The following GTF3C1 variants were observed in gnomAD, a reference collection of about 807,000 sequenced individuals.
GTF3C1 encodes the protein general transcription factor 3C polypeptide 1.
A neutral mutation model predicts 226.7 loss-of-function variants in GTF3C1; 57 were observed. That is an observed-to-expected ratio of 0.25 (90% CI 0.20 to 0.31). The LOEUF is 0.31. Among genes scored for constraint, GTF3C1 ranks in the 10% least tolerant of loss-of-function variants. The pLI, the probability that GTF3C1 is intolerant of heterozygous loss-of-function variation, is 1.00. For synonymous variants in GTF3C1, 1,090 were observed against 1,084.8 expected, an observed-to-expected ratio of 1.00 and a Z score of -0.09; for missense variants, 2,217 against 2,776.1, an observed-to-expected ratio of 0.80 and a Z score of 4.53.
chr16:27,461,959 A>G lies in GTF3C1; in HGVS notation c.6117+335T>C, dbSNP rs867140297. 3.1e-5 allele frequency: 12 copies of G among 388,148 alleles called. No homozygotes were observed. Among genetic ancestry groups the G allele is most frequent in the Admixed American group, 1.6e-4 (4 of 25,316 alleles). 24.0% of individuals were successfully genotyped at this position (388,148 alleles called of 1,614,324 possible). On this transcript the variant is annotated intron_variant, in intron 36 of 36. Coordinates refer to ENST00000356183, the MANE Select transcript of GTF3C1 (RefSeq NM_001520.4). This position sits in a 1 kb window ranked among gnomAD's most constrained non-coding sequence, Gnocchi z 5.3. ...GAGGAGCTGGAGGCCCCAGGCACAC[A>G]TGGGAGTCAGCCAAGCAGGAAGCAG...
intron 26 of GTF3C1, among the ~76,000 whole-genome samples, chr16:27,482,257 T>A (rs2088062941): frequency 6.6e-6 from 1 of 151,962 alleles, no homozygotes; most frequent in African/African-American, 2.4e-5. Context: ...TGGAGGGGAG[T>A]GTGGCGGCAG....
intron 7 of GTF3C1, among the ~76,000 whole-genome samples, chr16:27,509,130 A>G (rs1002677020): frequency 2.6e-5 from 4 of 152,230 alleles, no homozygotes; most frequent in Admixed American, 2.6e-4. Flanking sequence ...CATTGTGGAC[A>G]CTGACTACTG....
Position 27,465,357 on chromosome 16 carries a change from C to T in GTF3C1, c.5258G>A (p.Gly1753Asp). 1.2e-6 allele frequency: 2 copies of T among 1,614,172 alleles called. No individual in the cohort carries two copies. Among genetic ancestry groups the T allele is most frequent in the Non-Finnish European group, 1.7e-6 (2 of 1,180,020 alleles). The change falls in exon 33 of 37, where the codon GGT becomes GAT. Residue 1753 changes from glycine (G) to aspartate (D), a missense_variant. Gly to Asp is a moderately conservative substitution (Grantham distance 94). This residue lies in a region of GTF3C1 where 455 missense variants were observed against 441.9 expected (regional missense o/e 1.03). Transcript: ENST00000356183. ...LEILEAIIAT[G>D]CFGIDKEELR... ...CTCCTCCTTGTCAATCCCAAAACAA[C>T]CCGTGGCTATAATGGCTTCCAAGAT...
At chr16:27,513,112 T>G (rs118063920) in intron 6 of GTF3C1, among the ~76,000 whole-genome samples, 1,762 of 152,288 alleles carry the variant, frequency 0.012, 17 homozygotes, top group Non-Finnish European at 0.018. Context: ...TTAAGAATTT[T>G]GAGGTAAGAT....
At chr16:27,488,095 C>T (rs1596626957) in intron 23 of GTF3C1, 132 bp downstream of exon 23, 3 of 720,718 alleles carry the variant, frequency 4.2e-6, no homozygotes, top group Non-Finnish European at 7.2e-6. Context: ...AGAGAGTCAG[C>T]GCCACACATC....
At chr16:27,539,684 C>T (rs1396598839) in intron 2 of GTF3C1, among the ~76,000 whole-genome samples, 4 of 152,184 alleles carry the variant, frequency 2.6e-5, no homozygotes, top group East Asian at 3.8e-4. Flanking sequence ...TAATTTCCAT[C>T]GTAACAGTAT....
chr16:27,491,847 C>A (rs935413938), intron 19 of GTF3C1, among the ~76,000 whole-genome samples: 1 of 152,214 alleles, frequency 6.6e-6, no homozygotes, highest in South Asian at 2.1e-4. Flanking sequence ...CTGGCCCTGG[C>A]TGGCTCTGCC....
intron 12 of GTF3C1, among the ~76,000 whole-genome samples, chr16:27,500,016 G>A (rs1192379017): frequency 6.6e-6 from 1 of 152,090 alleles, no homozygotes; most frequent in Non-Finnish European, 1.5e-5. Flanking sequence ...TTGAGGTTAT[G>A]TGGCCCCCCA....
chr16:27,465,676 C>G lies in GTF3C1; in HGVS notation c.5075-136G>C, dbSNP rs1007934248. Reference sequence around the variant, plus strand: ...CCCCGACAGCCACAGGGGTCACCTGCTGGGTGGACACACTGGGCCCCTGGC... The same window carrying G: ...CCCCGACAGCCACAGGGGTCACCTGGTGGGTGGACACACTGGGCCCCTGGC... On this transcript the variant is annotated intron_variant, in intron 32 of 36. Coordinates refer to ENST00000356183, the MANE Select transcript of GTF3C1 (RefSeq NM_001520.4). 1.4e-4 allele frequency: 99 copies of G among 685,040 alleles called. No individual in the cohort carries two copies. In the African/African-American group the frequency reaches 1.7e-3, roughly 12 times the overall value. 42.4% of individuals were successfully genotyped at this position (685,040 alleles called of 1,614,324 possible).
At position 27,461,664 on chromosome 16, in the gene GTF3C1, ACTT is replaced by A; in HGVS notation, c.6118-105_6118-103del. 1.1e-6 allele frequency: 1 copy of A among 876,512 alleles called. No homozygotes were observed. The highest frequency in any genetic ancestry group is 1.8e-6 in the Non-Finnish European group (1 of 554,202). 54.3% of individuals were successfully genotyped at this position (876,512 alleles called of 1,614,324 possible). ...AATGCCCCCTCTGTACCAGGGAGCC[ACTT>A]CCCAGAGCAGGGGGCACCTGAACTG... On this transcript the variant is annotated intron_variant, in intron 36 of 36. Coordinates refer to ENST00000356183, the MANE Select transcript of GTF3C1 (RefSeq NM_001520.4). The surrounding 1 kb of genome is among the most constrained non-coding windows in gnomAD (Gnocchi z 5.3).
rs539214044 is a variant in GTF3C1 at position 27,493,188 on chromosome 16, A to G, written c.2876+11T>C. ...CCTGCGACTACTCTGGGTCAGGTTC[A>G]ATGGCCTCACCTCTTGTACAGAAGC... On this transcript the variant is annotated intron_variant, in intron 17 of 36. Transcript: ENST00000356183. The G allele has an allele frequency of 1.7e-5, 25 of 1,506,956 alleles. 1 individual carries two copies. The South Asian group carries it at 2.8e-4, about 17-fold the overall frequency. The allele number at this position is 1,506,956 out of a possible 1,614,324, so 93.3% of individuals were successfully genotyped here. A position where few individuals can be genotyped will look rare whatever the true frequency, so the allele number is the denominator to read the frequency against.
chr16:27,488,619 T>C lies in GTF3C1; in HGVS notation c.3446A>G (p.Glu1149Gly), dbSNP rs2088180443. ...CTGGAGCCTCACTGTGAGTCCATTCTCTGCGGCAGTGTTCTCCTGTGAGAC... is the reference window on the plus strand; with the variant it reads ...CTGGAGCCTCACTGTGAGTCCATTCCCTGCGGCAGTGTTCTCCTGTGAGAC... ...NQAKKENTAA[E>G]NGLTVRLQTF... Residue 1149 changes from glutamate to glycine, a missense_variant, in exon 22 of 37, where the codon GAG (glutamate) becomes GGG (glycine). Physicochemically the swap from Glu to Gly is moderately conservative, Grantham distance 98. Coordinates refer to ENST00000356183, the MANE Select transcript of GTF3C1 (RefSeq NM_001520.4). 1 of 1,613,030 alleles carries C rather than the reference T, an allele frequency of 6.2e-7. No homozygotes were observed. Among genetic ancestry groups the C allele is most frequent in the Non-Finnish European group, 8.5e-7 (1 of 1,179,798 alleles).
At chr16:27,522,880 G>T (rs2088771169) in intron 6 of GTF3C1, among the ~76,000 whole-genome samples, 1 of 152,132 alleles carries the variant, frequency 6.6e-6, no homozygotes, top group Non-Finnish European at 1.5e-5. Context: ...TTCAGATTGT[G>T]CACGGTGGGT....
chr16:27,491,572 T>A (rs1372727834), intron 19 of GTF3C1, among the ~76,000 whole-genome samples: 3 of 152,156 alleles, frequency 2.0e-5, no homozygotes, highest in African/African-American at 7.2e-5. Context: ...GGAGTGGGCA[T>A]CTGAGAAGCC....
intron 2 of GTF3C1, among the ~76,000 whole-genome samples, chr16:27,545,084 CT>C (rs1192836236): frequency 7.9e-5 from 12 of 151,014 alleles, no homozygotes; most frequent in African/African-American, 2.9e-4. Flanking sequence ...TCAAGTGATT[CT>C]CATGCCTCAG....
At chr16:27,480,042 T>C (rs1297388833) in intron 27 of GTF3C1, among the ~76,000 whole-genome samples, 1 of 151,454 alleles carries the variant, frequency 6.6e-6, no homozygotes, top group African/African-American at 2.4e-5. Context: ...CTACTAAAAA[T>C]ACAAAAAAAT....
rs1011748866 is a variant in GTF3C1, at chr16:27,472,009, G to A, written c.4354-89C>T. On this transcript the variant is annotated intron_variant, in intron 29 of 36. Transcript: ENST00000356183. Reference sequence around the variant, plus strand: ...TGTGGAGGCAGAGGCTGCGGCTGATGCTTTATAGAGGAAGTGACCGATCGT... The same window carrying A: ...TGTGGAGGCAGAGGCTGCGGCTGATACTTTATAGAGGAAGTGACCGATCGT... The A allele has an allele frequency of 4.3e-6, 5 of 1,152,546 alleles. No individual in the cohort carries two copies. The African/African-American group carries it at 7.6e-5, about 17-fold the overall frequency. The allele number at this position is 1,152,546 out of a possible 1,614,324, so 71.4% of individuals were successfully genotyped here. A position where few individuals can be genotyped will look rare whatever the true frequency, so the allele number is the denominator to read the frequency against.
At chr16:27,515,800 A>G (rs1355740122) in intron 6 of GTF3C1, among the ~76,000 whole-genome samples, 2 of 152,248 alleles carry the variant, frequency 1.3e-5, no homozygotes. Flanking sequence ...CAGCATCTGT[A>G]CAGAGGCTGG....
intron 1 of GTF3C1, among the ~76,000 whole-genome samples, chr16:27,546,965 C>T (rs977151615): frequency 7.9e-5 from 12 of 152,092 alleles, no homozygotes; most frequent in African/African-American, 1.4e-4. Context: ...GAGGGTTTCA[C>T]GATGTTGGCC....
Sources: allele counts gnomAD v4.1 joint callset (sites outside exome capture counted in the v4.1 genomes callset), GRCh38; gene constraint gnomAD v4.1.1; regional missense constraint gnomAD v4.1.1; non-coding constraint Gnocchi (gnomAD v3.1); transcripts MANE v1.5; gene names NCBI Gene and HGNC (gene_info 2026-07-23, HGNC 2026-07-21).